OSBPL3: variants seen among roughly 807,000 people sequenced by gnomAD.
OSBPL3 encodes the protein oxysterol binding protein like 3, also known as oxysterol-binding protein-related protein 3.
OSBPL3 carries 65 observed loss-of-function variants against 120.1 expected under a neutral mutation model. The observed-to-expected ratio is 0.54, with a 90% confidence interval of 0.44 to 0.67. The LOEUF (loss-of-function observed/expected upper bound fraction) is 0.67, where lower values mean the gene tolerates loss of function less well. OSBPL3 is among the 30% of genes least tolerant of loss of function. The pLI, the probability that OSBPL3 is intolerant of heterozygous loss-of-function variation, is 0.00. For missense variants in OSBPL3, 1,004 were observed against 1,082.1 expected (o/e 0.93, Z 1.01); for synonymous variants, 416 against 402.6 (o/e 1.03, Z -0.40).
At chr7:24,869,148 A>G (rs1368550922) in intron 5 of OSBPL3, among the ~76,000 whole-genome samples, 2 of 152,238 alleles carry the variant, frequency 1.3e-5, no homozygotes, top group Non-Finnish European at 2.9e-5. Context: ...AAGAAACCAA[A>G]CAGAACTTAA....
At chr7:24,980,574 G>A (rs1818226583), upstream of OSBPL3, among the ~76,000 whole-genome samples, 1 of 152,130 alleles carries the variant, frequency 6.6e-6, no homozygotes, top group Admixed American at 6.5e-5. Flanking sequence ...GGAGGGGCAG[G>A]TTTACGGAGA....
chr7:24,979,831 G>C (rs1410999956), intron 1 of OSBPL3, 55 bp downstream of exon 1: 1 of 696,148 alleles, frequency 1.4e-6, no homozygotes, highest in African/African-American at 2.0e-5. Flanking sequence ...AGCCCGCGCC[G>C]CCGCCAGGCC....
At chr7:24,919,292 C>T (rs1810091752) in intron 1 of OSBPL3, among the ~76,000 whole-genome samples, 5 of 152,062 alleles carry the variant, frequency 3.3e-5, no homozygotes, top group East Asian at 3.9e-4. Flanking sequence ...ACAACGTGTC[C>T]TAGCATAAAG....
intron 10 of OSBPL3, among the ~76,000 whole-genome samples, chr7:24,856,282 C>T (rs1799831170): frequency 6.6e-6 from 1 of 152,110 alleles, no homozygotes; most frequent in South Asian, 2.1e-4. Context: ...ACAAGTGACT[C>T]TTGGTGGTCA....
At chr7:24,870,880 T>C (rs915791794) in intron 4 of OSBPL3, 35 bp from the exon 5 acceptor site, 8 of 1,373,118 alleles carry the variant, frequency 5.8e-6, no homozygotes, top group Admixed American at 1.7e-5. Context: ...TTGGGGACCA[T>C]GGTGTTAGAA....
rs554852275 is a variant in OSBPL3 at position 24,965,161 on chromosome 7, G to A, written c.-150+14725C>T. On this transcript the variant is annotated intron_variant, in intron 1 of 22. Coordinates refer to ENST00000313367, the MANE Select transcript of OSBPL3 (RefSeq NM_015550.4). The surrounding 1 kb of genome is among the most constrained non-coding windows in gnomAD (Gnocchi z 4.3). ...AAATATTTACTGTTAATGCATGAGC[G>A]AAAGGATTCTACATCTCCCTAATTT... Among the ~76,000 whole-genome samples, 3 of 152,236 alleles carry A rather than the reference G, an allele frequency of 2.0e-5. No individual in the cohort carries two copies. The highest frequency in any genetic ancestry group is 2.1e-4 in the South Asian group (1 of 4,822).
rs149995093 is a variant in OSBPL3, at chr7:24,899,766, C to A, written c.-149-7145G>T. ...ATGCCCATAACTATACAATCACCTA[C>A]AATTTCTCAAAGTGTCCAGATCCAC... On this transcript the variant is annotated intron_variant, in intron 1 of 22. Coordinates refer to ENST00000313367, the MANE Select transcript of OSBPL3 (RefSeq NM_015550.4). This position sits in a 1 kb window ranked among gnomAD's most constrained non-coding sequence, Gnocchi z 4.0. Among the ~76,000 whole-genome samples the A allele has an allele frequency of 8.5e-5, 13 of 152,362 alleles. No homozygotes were observed. The East Asian group carries it at 2.5e-3, about 29-fold the overall frequency.
chr7:24,837,126 C>T (rs545048633), intron 14 of OSBPL3, among the ~76,000 whole-genome samples: 10 of 152,152 alleles, frequency 6.6e-5, no homozygotes, highest in South Asian at 2.1e-4. Context: ...TGAGCCACCA[C>T]GCCCAGCCTG....
intron 1 of OSBPL3, among the ~76,000 whole-genome samples, chr7:24,911,628 T>G (rs1391468907): frequency 1.3e-5 from 2 of 152,200 alleles, no homozygotes; most frequent in Non-Finnish European, 2.9e-5. Context: ...AATCTAAGCT[T>G]AAACCAAATT....
At chr7:24,845,127 A>T (rs1385329362) in intron 12 of OSBPL3, among the ~76,000 whole-genome samples, 1 of 152,090 alleles carries the variant, frequency 6.6e-6, no homozygotes, top group East Asian at 1.9e-4. Flanking sequence ...GGCAAGGCAA[A>T]ATATATATTA....
intron 1 of OSBPL3, among the ~76,000 whole-genome samples, chr7:24,979,586 C>T (rs1217516435): frequency 1.3e-5 from 2 of 152,164 alleles, no homozygotes; most frequent in Non-Finnish European, 1.5e-5. Context: ...CGTCCTCCCG[C>T]ACCTGCGCCG....
In OSBPL3 at chr7:24,955,656, C is replaced by T. The variant is rs1195137032; in HGVS notation, c.-150+24230G>A. Among the ~76,000 whole-genome samples the T allele has an allele frequency of 6.6e-6, 1 of 152,242 alleles. No individual in the cohort carries two copies. Among genetic ancestry groups the T allele is most frequent in the African/African-American group, 2.4e-5 (1 of 41,458 alleles). On this transcript the variant is annotated intron_variant, in intron 1 of 22. Coordinates refer to ENST00000313367, the MANE Select transcript of OSBPL3 (RefSeq NM_015550.4). This position sits in a 1 kb window ranked among gnomAD's most constrained non-coding sequence, Gnocchi z 4.3. ...AACAGCAGCACCCCTGTCCCCTATA[C>T]ACTCTAACCTACTTATCCCTGCTTT...
At position 24,804,953 on chromosome 7, in the gene OSBPL3, C is replaced by A. The variant is rs1170850305; in HGVS notation, c.2445-516G>T. Among the ~76,000 whole-genome samples, 1 of 152,136 alleles carries A rather than the reference C, an allele frequency of 6.6e-6. No homozygotes were observed. Among genetic ancestry groups the A allele is most frequent in the African/African-American group, 2.4e-5 (1 of 41,428 alleles). On this transcript the variant is annotated intron_variant, in intron 21 of 22. Coordinates refer to ENST00000313367, the MANE Select transcript of OSBPL3 (RefSeq NM_015550.4). The surrounding 1 kb of genome is among the most constrained non-coding windows in gnomAD (Gnocchi z 5.4). ...TCATTTTTTAATAGCCACATAATAT[C>A]CAGTTGCGTGGATGTATATGAATTT...
At position 24,866,194 on chromosome 7, in the gene OSBPL3, C is replaced by T. The variant is rs780549432; in HGVS notation, c.425G>A (p.Arg142His). 15 of 1,613,108 alleles carry T rather than the reference C, an allele frequency of 9.3e-6. No individual in the cohort carries two copies. The highest frequency in any genetic ancestry group is 1.3e-5 in the Non-Finnish European group (15 of 1,179,142). Reference sequence around the variant, plus strand: ...ATTCTGACGATACATTCTGTGGTGGCGAAGTTTCGATACCCACTCATCAAA... The same window carrying T: ...ATTCTGACGATACATTCTGTGGTGGTGAAGTTTCGATACCCACTCATCAAA... ...EVFDEWVSKL[R>H]HHRMYRQNEI... The change falls in exon 6 of 23, where the codon CGC (arginine) becomes CAC (histidine). Residue 142 changes from arginine (R) to histidine (H), a missense_variant. This residue lies in a region of OSBPL3 where 255 missense variants were observed against 248.7 expected (regional missense o/e 1.03). Coordinates refer to ENST00000313367, the MANE Select transcript of OSBPL3 (RefSeq NM_015550.4).
At position 24,834,041 on chromosome 7, in the gene OSBPL3, G is replaced by A; in HGVS notation, c.1746+445C>T. 1 of 937,522 alleles carries A rather than the reference G, an allele frequency of 1.1e-6. No individual in the cohort carries two copies. Among genetic ancestry groups the A allele is most frequent in the Non-Finnish European group, 1.3e-6 (1 of 785,616 alleles). 58.1% of individuals were successfully genotyped at this position (937,522 alleles called of 1,614,324 possible). A position where few individuals can be genotyped will look rare whatever the true frequency, so the allele number is the denominator to read the frequency against. ...ATTTTCCAAAAACCTAGGAGCTGATGGGACAATTCCAGAAATAAACACAAA... is the reference window on the plus strand; with the variant it reads ...ATTTTCCAAAAACCTAGGAGCTGATAGGACAATTCCAGAAATAAACACAAA... On this transcript the variant is annotated intron_variant, in intron 15 of 22. Coordinates refer to ENST00000313367, the MANE Select transcript of OSBPL3 (RefSeq NM_015550.4). This position sits in a 1 kb window ranked among gnomAD's most constrained non-coding sequence, Gnocchi z 5.2.
At chr7:24,907,121 ATTC>A (rs1808057569) in intron 1 of OSBPL3, among the ~76,000 whole-genome samples, 1 of 151,940 alleles carries the variant, frequency 6.6e-6, no homozygotes, top group Non-Finnish European at 1.5e-5. Context: ...TGTGTTTTAT[ATTC>A]TTCTATTCTC....
intron 1 of OSBPL3, among the ~76,000 whole-genome samples, chr7:24,908,346 G>A (rs989261048): frequency 5.3e-5 from 8 of 152,164 alleles, no homozygotes; most frequent in African/African-American, 1.9e-4. Context: ...AACATCCAGT[G>A]GGTGATTATC....
At position 24,968,206 on chromosome 7, in the gene OSBPL3, T is replaced by G. The variant is rs533641878; in HGVS notation, c.-150+11680A>C. Among the ~76,000 whole-genome samples, 4,970 of 152,328 alleles carry G rather than the reference T, an allele frequency of 0.033. 136 individuals carry two copies. Among genetic ancestry groups the G allele is most frequent in the Non-Finnish European group, 0.053 (3,602 of 68,018 alleles). ...TATATATACAGTGAGTACAATTAAATGTTTATCAACCAGCTCTCTGGAAAA... is the reference window on the plus strand; with the variant it reads ...TATATATACAGTGAGTACAATTAAAGGTTTATCAACCAGCTCTCTGGAAAA... On this transcript the variant is annotated intron_variant, in intron 1 of 22. Transcript: ENST00000313367. The surrounding 1 kb of genome is among the most constrained non-coding windows in gnomAD (Gnocchi z 4.6).
rs1483266494 is a variant in OSBPL3 at position 24,968,741 on chromosome 7, T to A, written c.-150+11145A>T. Among the ~76,000 whole-genome samples, 2 of 152,238 alleles carry A rather than the reference T, an allele frequency of 1.3e-5. No individual in the cohort carries two copies. Among genetic ancestry groups the A allele is most frequent in the African/African-American group, 4.8e-5 (2 of 41,464 alleles). ...ATGTGTGCATATATGCATGAATATA[T>A]GTCCATGTGTATATGCATACTTTCA... On this transcript the variant is annotated intron_variant, in intron 1 of 22. Transcript: ENST00000313367. The surrounding 1 kb of genome is among the most constrained non-coding windows in gnomAD (Gnocchi z 4.6).
Sources: allele counts gnomAD v4.1 joint callset (sites outside exome capture counted in the v4.1 genomes callset), GRCh38; gene constraint gnomAD v4.1.1; regional missense constraint gnomAD v4.1.1; non-coding constraint Gnocchi (gnomAD v3.1); transcripts MANE v1.5; gene names NCBI Gene and HGNC (gene_info 2026-07-23, HGNC 2026-07-21).